Variants in EYS observed in about 807,000 individuals in gnomAD.
EYS encodes the protein EGF-like photoreceptor maintenance factor.
EYS carries 250 observed loss-of-function variants against 282.1 expected under a neutral mutation model. The ratio of observed to expected loss-of-function variants is 0.89; its 90% CI spans 0.80 to 0.98. The LOEUF (loss-of-function observed/expected upper bound fraction) is 0.98, where lower values mean the gene tolerates loss of function less well. Ranked by LOEUF, EYS falls within the 50% of genes least tolerant of loss-of-function variation. EYS has a pLI of 0.00. For synonymous variants in EYS, 1,355 were observed against 1,282.9 expected (o/e 1.06, Z -1.20); for missense variants, 4,016 against 3,709.0 (o/e 1.08, Z -2.15).
chr6:64,063,487 A>T (rs572567381), intron 33 of EYS, among the ~76,000 whole-genome samples: 16 of 152,274 alleles, frequency 1.1e-4, no homozygotes, highest in African/African-American at 3.6e-4. Flanking sequence ...TATGTCATAA[A>T]TATGTCACTT....
intron 36 of EYS, among the ~76,000 whole-genome samples, chr6:63,842,591 T>C (rs1379599760): frequency 6.6e-6 from 1 of 152,222 alleles, no homozygotes; most frequent in East Asian, 1.9e-4. Flanking sequence ...TCTTTTGCTG[T>C]GGAGAAGCTC....
intron 36 of EYS, among the ~76,000 whole-genome samples, chr6:63,863,691 T>G (rs1772600322): frequency 7.2e-6 from 1 of 138,440 alleles, no homozygotes; most frequent in Non-Finnish European, 1.6e-5. Context: ...TTTTTTTTTT[T>G]TTGAGATGGA....
rs189938569 is a variant in EYS, at chr6:65,297,505, G to C, written c.1767-1386C>G. On this transcript the variant is annotated intron_variant, in intron 11 of 42. Transcript: ENST00000503581. ...GTCAAGGATCACTGAGATTATTAAC[G>C]GTAGGAAGTGTAGTGGATGCTTTGA... Among the ~76,000 whole-genome samples the C allele has an allele frequency of 9.9e-5, 15 of 151,952 alleles. 1 individual carries two copies. Among genetic ancestry groups the C allele is most frequent in the African/African-American group, 3.6e-4 (15 of 41,426 alleles).
At chr6:64,518,032 A>G (rs1036128095) in intron 26 of EYS, among the ~76,000 whole-genome samples, 12 of 151,840 alleles carry the variant, frequency 7.9e-5, no homozygotes, top group Admixed American at 7.2e-4. Context: ...GCAAAGATGC[A>G]AAAGTGCCCT....
intron 30 of EYS, among the ~76,000 whole-genome samples, chr6:64,269,037 G>A (rs1464210019): frequency 6.6e-6 from 1 of 152,134 alleles, no homozygotes; most frequent in African/African-American, 2.4e-5. Context: ...GCTTCCTCAT[G>A]TGTGATGTTT....
At chr6:64,146,303 A>G (rs1774516237) in intron 31 of EYS, among the ~76,000 whole-genome samples, 1 of 152,202 alleles carries the variant, frequency 6.6e-6, no homozygotes, top group East Asian at 1.9e-4. Flanking sequence ...TCATGTCAAA[A>G]CATGAATGTG....
intron 12 of EYS, among the ~76,000 whole-genome samples, chr6:65,179,023 G>A (rs1441055729): frequency 6.6e-6 from 1 of 152,054 alleles, no homozygotes; most frequent in Non-Finnish European, 1.5e-5. Context: ...TGAGAACAAA[G>A]ACACAACATA....
chr6:65,444,549 A>G (rs948427118), intron 5 of EYS, among the ~76,000 whole-genome samples: 15 of 152,010 alleles, frequency 9.9e-5, no homozygotes, highest in Non-Finnish European at 1.5e-4. Context: ...GGCACCTATA[A>G]ACTATGTGAC....
intron 29 of EYS, among the ~76,000 whole-genome samples, chr6:64,373,955 G>A (rs550445573): frequency 3.5e-4 from 53 of 152,134 alleles, no homozygotes; most frequent in Non-Finnish European, 7.2e-4. Context: ...TAGCTGCCTG[G>A]CTATCAGCAG....
intron 39 of EYS, among the ~76,000 whole-genome samples, chr6:63,781,180 C>T (rs544752919): frequency 3.6e-4 from 55 of 152,208 alleles, no homozygotes; most frequent in African/African-American, 1.3e-3. Flanking sequence ...AGTCACGTAG[C>T]GTGATGCCTC....
chr6:65,364,541 A>AAG (rs1764838289), intron 8 of EYS, among the ~76,000 whole-genome samples: 1 of 151,146 alleles, frequency 6.6e-6, no homozygotes, highest in Non-Finnish European at 1.5e-5. Flanking sequence ...CTATATTAAA[A>AAG]ATATTAAGAC....
chr6:64,045,685 G>A (rs1342037864), intron 33 of EYS, among the ~76,000 whole-genome samples: 2 of 150,788 alleles, frequency 1.3e-5, no homozygotes, highest in African/African-American at 4.9e-5. Flanking sequence ...GACCTCAGAT[G>A]ATCTGCCCGC....
At chr6:65,326,847 G>T (rs1562098013) in intron 11 of EYS, among the ~76,000 whole-genome samples, 1 of 151,212 alleles carries the variant, frequency 6.6e-6, no homozygotes, top group South Asian at 2.1e-4. Flanking sequence ...TTTTCTAAAC[G>T]ACATTTATTT....
intron 22 of EYS, among the ~76,000 whole-genome samples, chr6:64,643,821 C>T (rs1010539123): frequency 2.6e-5 from 4 of 152,214 alleles, no homozygotes; most frequent in Admixed American, 2.6e-4. Flanking sequence ...CTCCTCCTTG[C>T]CTTCCAGGAT....
At chr6:63,725,580 A>G (rs1768584117) in intron 42 of EYS, among the ~76,000 whole-genome samples, 1 of 152,080 alleles carries the variant, frequency 6.6e-6, no homozygotes, top group Admixed American at 6.6e-5. Flanking sequence ...TTTAAAACCA[A>G]ATATCTCAGG....
At chr6:65,264,202 T>G (rs1019406536) in intron 12 of EYS, among the ~76,000 whole-genome samples, 1 of 152,130 alleles carries the variant, frequency 6.6e-6, no homozygotes, top group Non-Finnish European at 1.5e-5. Flanking sequence ...AATTTAAAGT[T>G]ATTTACCAGC....
chr6:64,721,420 A>G (rs926618059), intron 22 of EYS, among the ~76,000 whole-genome samples: 8 of 152,146 alleles, frequency 5.3e-5, no homozygotes, highest in Non-Finnish European at 8.8e-5. Context: ...GTATTTCAAG[A>G]AAAGAATCTT....
intron 28 of EYS, among the ~76,000 whole-genome samples, chr6:64,401,193 G>A (rs546151341): frequency 5.3e-5 from 8 of 152,024 alleles, no homozygotes; most frequent in Non-Finnish European, 7.4e-5. Flanking sequence ...AAATTCCATC[G>A]TGTTGGAAAT....
At chr6:64,528,862 GC>G (rs1361360668) in intron 26 of EYS, among the ~76,000 whole-genome samples, 1 of 151,950 alleles carries the variant, frequency 6.6e-6, no homozygotes, top group Non-Finnish European at 1.5e-5. Flanking sequence ...TTACAACGCT[GC>G]TTTATCAAAT....
Sources: gnomAD v4.1 joint callset for allele counts (sites outside exome capture counted in the v4.1 genomes callset) on GRCh38, gnomAD v4.1.1 for gene constraint, MANE v1.5 for transcripts, NCBI Gene and HGNC (gene_info 2026-07-23, HGNC 2026-07-21) for gene names.